FSTL5: variants seen among roughly 807,000 people sequenced by gnomAD.
FSTL5 encodes follistatin-related protein 5.
A neutral mutation model predicts 89.1 loss-of-function variants in FSTL5; 62 were observed. The ratio of observed to expected loss-of-function variants is 0.70; its 90% CI spans 0.57 to 0.86. The LOEUF (loss-of-function observed/expected upper bound fraction) is 0.86. Ranked by LOEUF, FSTL5 falls within the 40% of genes least tolerant of loss-of-function variation. The pLI is 0.00. For synonymous variants in FSTL5, 383 were observed against 346.2 expected (o/e 1.11, Z -1.18); for missense variants, 1,057 against 1,001.6 (o/e 1.06, Z -0.75).
At chr4:161,823,602 G>A (rs148423961) in intron 4 of FSTL5, among the ~76,000 whole-genome samples, 1 of 152,314 alleles carries the variant, frequency 6.6e-6, no homozygotes, top group Non-Finnish European at 1.5e-5. Context: ...AGAGTGCAGG[G>A]ATGTCCAAGT....
intron 1 of FSTL5, among the ~76,000 whole-genome samples, chr4:162,157,322 A>G (rs1733519245): frequency 6.6e-6 from 1 of 152,142 alleles, no homozygotes; most frequent in South Asian, 2.1e-4. Flanking sequence ...CAGAAAAAAA[A>G]TAGAATGGGG....
chr4:161,648,137 G>A (rs1187063818), intron 7 of FSTL5, among the ~76,000 whole-genome samples: 2 of 152,064 alleles, frequency 1.3e-5, no homozygotes, highest in Non-Finnish European at 2.9e-5. Context: ...CGATTCTTCC[G>A]GTACACCAAG....
chr4:161,488,677 T>C (rs1467174698), intron 12 of FSTL5, among the ~76,000 whole-genome samples: 1 of 152,162 alleles, frequency 6.6e-6, no homozygotes, highest in Non-Finnish European at 1.5e-5. Context: ...GTAAATAAAA[T>C]CATATTTGAA....
At chr4:161,966,579 TA>T (rs1735333350) in intron 3 of FSTL5, among the ~76,000 whole-genome samples, 1 of 152,074 alleles carries the variant, frequency 6.6e-6, no homozygotes, top group Non-Finnish European at 1.5e-5. Context: ...TATGAGAATA[TA>T]TTTGAACACA....
intron 4 of FSTL5, among the ~76,000 whole-genome samples, chr4:161,805,941 T>G (rs1227780484): frequency 6.6e-6 from 1 of 152,130 alleles, no homozygotes; most frequent in Non-Finnish European, 1.5e-5. Context: ...CATAACTTTT[T>G]TATAGTATAT....
chr4:161,954,045 G>A (rs1224085511), intron 3 of FSTL5, among the ~76,000 whole-genome samples: 1 of 151,522 alleles, frequency 6.6e-6, no homozygotes, highest in Non-Finnish European at 1.5e-5. Flanking sequence ...AAAGTATTAT[G>A]TGTTAGAGGA....
intron 3 of FSTL5, among the ~76,000 whole-genome samples, chr4:161,972,679 A>T (rs999489690): frequency 6.6e-6 from 1 of 152,218 alleles, no homozygotes; most frequent in African/African-American, 2.4e-5. Context: ...AACCACAGCC[A>T]TGATTAACAC....
intron 6 of FSTL5, among the ~76,000 whole-genome samples, chr4:161,722,637 C>T (rs1051700315): frequency 1.3e-5 from 2 of 152,102 alleles, no homozygotes; most frequent in African/African-American, 2.4e-5. Flanking sequence ...CAGAACTAAC[C>T]CTGTGGCACT....
At chr4:161,613,305 G>A (rs537292741) in intron 7 of FSTL5, among the ~76,000 whole-genome samples, 99 of 152,124 alleles carry the variant, frequency 6.5e-4, no homozygotes, top group African/African-American at 2.2e-3. Context: ...ACAAAAATTA[G>A]TTGGGCATGA....
intron 7 of FSTL5, among the ~76,000 whole-genome samples, chr4:161,655,663 C>A (rs545876930): frequency 4.8e-4 from 72 of 150,360 alleles, no homozygotes; most frequent in African/African-American, 1.7e-3. Context: ...TATCCTGATC[C>A]TATCCTTATC....
intron 4 of FSTL5, among the ~76,000 whole-genome samples, chr4:161,861,346 CG>C (rs1231264016): frequency 2.0e-5 from 3 of 151,952 alleles, no homozygotes; most frequent in African/African-American, 7.3e-5. Flanking sequence ...CGTTTGAACC[CG>C]GGAGGCAGAG....
intron 15 of FSTL5, among the ~76,000 whole-genome samples, chr4:161,411,925 T>C (rs1731607252): frequency 6.6e-6 from 1 of 152,200 alleles, no homozygotes; most frequent in South Asian, 2.1e-4. Flanking sequence ...GATGATGTGA[T>C]TCTACAGATA....
chr4:161,617,433 A>G (rs1253228551), intron 7 of FSTL5, among the ~76,000 whole-genome samples: 3 of 152,154 alleles, frequency 2.0e-5, no homozygotes, highest in African/African-American at 7.2e-5. Flanking sequence ...TATAATACCA[A>G]AGGAGACAAA....
chr4:162,111,338 CCTT>C lies in FSTL5; in HGVS notation c.56_58del (p.Glu19del). On this transcript the variant is annotated inframe_deletion, in exon 2 of 16. Transcript: ENST00000306100. Reference sequence around the variant, plus strand: ...ATATCCTCCTTCTTTGGTTGGCCTTCCTTCCGACTCCAGAAAAATGAATCCGAG... The same window carrying C: ...ATATCCTCCTTCTTTGGTTGGCCTTCCCGACTCCAGAAAAATGAATCCGAG... 4 of 1,612,156 alleles carry C rather than the reference CCTT, an allele frequency of 2.5e-6. No homozygotes were observed. Among genetic ancestry groups the C allele is most frequent in the Non-Finnish European group, 3.4e-6 (4 of 1,178,616 alleles).
At chr4:161,605,527 G>A (rs1734408860) in intron 7 of FSTL5, among the ~76,000 whole-genome samples, 2 of 151,920 alleles carry the variant, frequency 1.3e-5, no homozygotes, top group Non-Finnish European at 2.9e-5. Context: ...CAGTTTTCCT[G>A]TAAATGAACA....
chr4:161,575,276 G>A (rs1042378098), intron 8 of FSTL5, among the ~76,000 whole-genome samples: 7 of 151,132 alleles, frequency 4.6e-5, no homozygotes, highest in South Asian at 2.2e-4. Flanking sequence ...TGCAAAAAAT[G>A]TTCTCCCATT....
chr4:161,548,679 A>G (rs1732089891), intron 8 of FSTL5, among the ~76,000 whole-genome samples: 1 of 151,862 alleles, frequency 6.6e-6, no homozygotes, highest in Admixed American at 6.6e-5. Flanking sequence ...TCCTGCATTC[A>G]TTCAGTAAAT....
chr4:162,122,835 T>C (rs1173284005), intron 1 of FSTL5, among the ~76,000 whole-genome samples: 1 of 151,554 alleles, frequency 6.6e-6, no homozygotes, highest in African/African-American at 2.4e-5. Flanking sequence ...GTTTGCGTAG[T>C]GTAATGTGGA....
At chr4:161,443,832 G>A (rs1732857702) in intron 15 of FSTL5, among the ~76,000 whole-genome samples, 1 of 151,916 alleles carries the variant, frequency 6.6e-6, no homozygotes, top group African/African-American at 2.4e-5. Context: ...AAGCAGGAAA[G>A]TATAGGGGCT....
Sources: gnomAD v4.1 joint callset for allele counts (sites outside exome capture counted in the v4.1 genomes callset) on GRCh38, gnomAD v4.1.1 for gene constraint, MANE v1.5 for transcripts, NCBI Gene and HGNC (gene_info 2026-07-23, HGNC 2026-07-21) for gene names.